Variants in SRL observed in about 807,000 individuals in gnomAD.
The protein encoded by SRL is sarcalumenin.
In SRL, 23 loss-of-function variants were observed where a neutral mutation model predicts 39.5. The observed-to-expected ratio is 0.58, with a 90% CI of 0.42 to 0.82. The LOEUF (loss-of-function observed/expected upper bound fraction) is 0.82, where lower values mean the gene tolerates loss of function less well. SRL is among the 40% of genes least tolerant of loss of function. The pLI is 0.00. For missense variants in SRL, 592 were observed against 607.8 expected, an observed-to-expected ratio of 0.97 and a Z score of 0.27; for synonymous variants, 272 against 237.4, an observed-to-expected ratio of 1.15 and a Z score of -1.34.
chr16:4,231,877 A>T (rs1038422001), intron 1 of SRL, among the ~76,000 whole-genome samples: 9 of 152,252 alleles, frequency 5.9e-5, no homozygotes, highest in African/African-American at 1.9e-4. Flanking sequence ...TTATCAAAAA[A>T]TATTTTAAGC....
chr16:4,241,992 T>G lies in SRL; in HGVS notation c.61+15A>C, dbSNP rs2052777966. ...GGGACCAGTCTGGGCTGGGTCATGC[T>G]GGGAGGGGCCCTACCTGCTTGTCCT... On this transcript the variant is annotated intron_variant, in intron 1 of 5. Transcript: ENST00000399609. The G allele has an allele frequency of 6.2e-7, 1 of 1,613,726 alleles. No homozygotes were observed. Among genetic ancestry groups the G allele is most frequent in the Non-Finnish European group, 8.5e-7 (1 of 1,179,900 alleles).
intron 1 of SRL, among the ~76,000 whole-genome samples, chr16:4,231,064 T>C (rs1018388271): frequency 1.3e-5 from 2 of 151,912 alleles, no homozygotes; most frequent in African/African-American, 2.4e-5. Context: ...ACACCTGTAA[T>C]CCCAGCACTT....
At chr16:4,241,450 A>G (rs920162788) in intron 1 of SRL, among the ~76,000 whole-genome samples, 7 of 152,082 alleles carry the variant, frequency 4.6e-5, no homozygotes, top group African/African-American at 1.4e-4. Context: ...ATTGCATCCA[A>G]TGCTGTTTCC....
intron 1 of SRL, among the ~76,000 whole-genome samples, chr16:4,227,339 G>T (rs1240249383): frequency 6.6e-6 from 1 of 151,616 alleles, no homozygotes; most frequent in Non-Finnish European, 1.5e-5. Flanking sequence ...ATGGGTGGAT[G>T]GACAGACAGA....
At chr16:4,197,518 T>G (rs1396609097) in intron 4 of SRL, among the ~76,000 whole-genome samples, 1 of 150,338 alleles carries the variant, frequency 6.7e-6, no homozygotes, top group Non-Finnish European at 1.5e-5. Flanking sequence ...GCCTTCTAGG[T>G]TCAAGCAATT....
intron 1 of SRL, chr16:4,206,590 C>T: frequency 7.2e-6 from 3 of 418,900 alleles, no homozygotes; most frequent in South Asian, 5.2e-5. Context: ...CTGAAGCCAC[C>T]TCCCCGGGCC....
chr16:4,241,958 G>T, intron 1 of SRL, 49 bp downstream of exon 1: 1 of 1,606,222 alleles, frequency 6.2e-7, no homozygotes, highest in East Asian at 2.2e-5. Flanking sequence ...AACCTTGGAG[G>T]AAGCGTGGGG....
At chr16:4,232,283 C>A (rs79321945) in intron 1 of SRL, among the ~76,000 whole-genome samples, 30,079 of 152,194 alleles carry the variant, frequency 0.2, 3,220 homozygotes, top group Middle Eastern at 0.26. Flanking sequence ...CTTCCCAAGT[C>A]CTAGAGAGCA....
At chr16:4,240,745 G>A (rs915314022) in intron 1 of SRL, among the ~76,000 whole-genome samples, 1 of 152,148 alleles carries the variant, frequency 6.6e-6, no homozygotes, top group African/African-American at 2.4e-5. Flanking sequence ...GCTGGGGCTG[G>A]GGGGCAGCAC....
intron 5 of SRL, among the ~76,000 whole-genome samples, chr16:4,195,158 G>T (rs2052119044): frequency 1.3e-5 from 2 of 152,128 alleles, no homozygotes; most frequent in South Asian, 4.1e-4. Context: ...GCCTCCCAGA[G>T]TGCTGGGATT....
At chr16:4,193,903 T>C (rs1166548406) in intron 5 of SRL, among the ~76,000 whole-genome samples, 2 of 150,156 alleles carry the variant, frequency 1.3e-5, no homozygotes, top group African/African-American at 4.9e-5. Context: ...CTAATAATAC[T>C]ACTAATGTCA....
intron 5 of SRL, among the ~76,000 whole-genome samples, chr16:4,193,524 T>C (rs529829219): frequency 6.6e-6 from 1 of 152,332 alleles, no homozygotes; most frequent in East Asian, 1.9e-4. Context: ...GGCTTAGCAT[T>C]GAGACCTGGA....
At position 4,191,676 on chromosome 16, in the gene SRL, C is replaced by G. The variant is rs952953070; in HGVS notation, c.*477G>C. 2.5e-5 allele frequency: 4 copies of G among 157,886 alleles called. No homozygotes were observed. The highest frequency in any genetic ancestry group is 9.6e-5 in the African/African-American group (4 of 41,566). The allele number at this position is 157,886 out of a possible 1,614,324, so 9.8% of individuals were successfully genotyped here. On this transcript the variant is annotated 3_prime_UTR_variant, in exon 6 of 6. Transcript: ENST00000399609. The stretch of plus-strand genomic sequence containing the variant: ...GACTATTCACTGTTGAAAGTCAACC[C>G]AAAGTTAAGAGGCAGCCGAGGGCTG...
chr16:4,239,417 G>A lies in SRL; in HGVS notation c.61+2590C>T, dbSNP rs182021412. 1.4e-4 allele frequency among the ~76,000 whole-genome samples: 21 copies of A among 152,318 alleles called. No individual in the cohort carries two copies. The East Asian group carries it at 2.9e-3, about 21-fold the overall frequency. ...AGGAATCCCCAGATCCCCAATCTCCGTATCAAGCAACAAGAGGGACAACAG... is the reference window on the plus strand; with the variant it reads ...AGGAATCCCCAGATCCCCAATCTCCATATCAAGCAACAAGAGGGACAACAG... On this transcript the variant is annotated intron_variant, in intron 1 of 5. Transcript: ENST00000399609.
chr16:4,211,786 G>GGCCA (rs1567181664), intron 1 of SRL, among the ~76,000 whole-genome samples: 3 of 151,240 alleles, frequency 2.0e-5, no homozygotes, highest in African/African-American at 4.9e-5. Flanking sequence ...TGACTATGCT[G>GGCCA]ATGATGAGGA....
intron 1 of SRL, among the ~76,000 whole-genome samples, chr16:4,218,146 C>G (rs1454489200): frequency 6.6e-6 from 1 of 152,136 alleles, no homozygotes; most frequent in Non-Finnish European, 1.5e-5. Context: ...GATTCACCAG[C>G]AACATCTGAG....
At position 4,211,779 on chromosome 16, in the gene SRL, C is replaced by G. The variant is rs554595656; in HGVS notation, c.62-7145G>C. ...ATGATGGTGATGATGATGGTGGTGACTATGCTGATGATGAGGATCGTGATG... is the reference window on the plus strand; with the variant it reads ...ATGATGGTGATGATGATGGTGGTGAGTATGCTGATGATGAGGATCGTGATG... On this transcript the variant is annotated intron_variant, in intron 1 of 5. Transcript: ENST00000399609. Among the ~76,000 whole-genome samples the G allele has an allele frequency of 2.0e-3, 296 of 149,040 alleles. 3 individuals carry two copies. The highest frequency in any genetic ancestry group is 6.7e-3 in the African/African-American group (269 of 39,872).
intron 1 of SRL, among the ~76,000 whole-genome samples, chr16:4,235,279 G>C (rs532444887): frequency 4.4e-4 from 67 of 152,356 alleles, no homozygotes; most frequent in African/African-American, 1.5e-3. Context: ...GAGCCAAAGT[G>C]AGTCCTCATG....
At position 4,190,908 on chromosome 16, in the gene SRL, G is replaced by A. The variant is rs2052053169; in HGVS notation, c.*1245C>T. On this transcript the variant is annotated 3_prime_UTR_variant, in exon 6 of 6. Transcript: ENST00000399609. ...AACTCCGCTGCCAAGTGTTTCCACAGGGGAGTTGTGGAAACAGCCTCCTCT... is the reference window on the plus strand; with the variant it reads ...AACTCCGCTGCCAAGTGTTTCCACAAGGGAGTTGTGGAAACAGCCTCCTCT... The A allele has an allele frequency of 6.4e-6, 1 of 155,780 alleles. No individual in the cohort carries two copies. The allele number at this position is 155,780 out of a possible 1,614,324, so 9.6% of individuals were successfully genotyped here. A position where few individuals can be genotyped will look rare whatever the true frequency, so the allele number is the denominator to read the frequency against.
Sources: gnomAD v4.1 joint callset for allele counts (sites outside exome capture counted in the v4.1 genomes callset) on GRCh38, gnomAD v4.1.1 for gene constraint, MANE v1.5 for transcripts, NCBI Gene and HGNC (gene_info 2026-07-23, HGNC 2026-07-21) for gene names.